Variants in ACCSL observed in about 807,000 individuals in gnomAD.
The protein encoded by ACCSL is 1-aminocyclopropane-1-carboxylate synthase homolog (inactive) like, also known as probable inactive 1-aminocyclopropane-1-carboxylate synthase-like protein 2.
Under a neutral mutation model 61.7 loss-of-function variants are expected in ACCSL, and 55 were observed. The ratio of observed to expected loss-of-function variants is 0.89; its 90% CI spans 0.72 to 1.12. The LOEUF is 1.12. Ranked by LOEUF, ACCSL falls within the 50% of genes most tolerant of loss-of-function variation. ACCSL has a pLI of 0.00. For missense variants in ACCSL, 632 were observed against 698.0 expected (o/e 0.91, Z 1.07); for synonymous variants, 258 against 264.3 (o/e 0.98, Z 0.23).
the ACCSL span, among the ~76,000 whole-genome samples, chr11:43,964,436 CAAAAAAAA>C: frequency 1.3e-5 from 1 of 77,176 alleles, no homozygotes; most frequent in African/African-American, 4.6e-5. Flanking sequence ...GACATTGTCT[CAAAAAAAA>C]AAAAAAAAAG....
At chr11:44,049,907 G>C in intron 1 of ACCSL, 155 bp from the exon 2 acceptor site, 1 of 901,172 alleles carries the variant, frequency 1.1e-6, no homozygotes, top group South Asian at 1.5e-5. Flanking sequence ...GTACTATTTT[G>C]GGTTCATGGA....
At chr11:43,985,897 A>G in the ACCSL span, among the ~76,000 whole-genome samples, 1 of 152,112 alleles carries the variant, frequency 6.6e-6, no homozygotes, top group East Asian at 1.9e-4. Context: ...TTAGCTGGGC[A>G]TGGTGGGGAG....
the ACCSL span, chr11:43,943,359 C>T: frequency 1.0e-5 from 14 of 1,389,684 alleles, no homozygotes; most frequent in African/African-American, 3.1e-5. The surrounding 1 kb of genome is among the most constrained non-coding windows in gnomAD (Gnocchi z 4.8). Context: ...GCGCCCTGCT[C>T]CCGGGGGACC....
chr11:43,982,410 T>G, the ACCSL span, among the ~76,000 whole-genome samples: 1 of 151,826 alleles, frequency 6.6e-6, no homozygotes, highest in Non-Finnish European at 1.5e-5. Flanking sequence ...GTATTTTTAG[T>G]AGAGACAGGG....
At chr11:43,974,027 G>A in the ACCSL span, 1 of 152,224 alleles carries the variant, frequency 6.6e-6, no homozygotes, top group Non-Finnish European at 1.5e-5. Context: ...AGAGATCCTT[G>A]TCTCTTTTCT....
At chr11:43,926,236 G>C in the ACCSL span, among the ~76,000 whole-genome samples, 1 of 152,180 alleles carries the variant, frequency 6.6e-6, no homozygotes, top group African/African-American at 2.4e-5. Context: ...TTGCGTTGAT[G>C]CTCTGCTCAC....
chr11:43,960,830 T>C, the ACCSL span, among the ~76,000 whole-genome samples: 1 of 152,168 alleles, frequency 6.6e-6, no homozygotes, highest in Non-Finnish European at 1.5e-5. Context: ...TTTTGTTTTC[T>C]TCCTTGAGAT....
chr11:43,969,254 G>T, the ACCSL span, among the ~76,000 whole-genome samples: 1 of 152,044 alleles, frequency 6.6e-6, no homozygotes, highest in Non-Finnish European at 1.5e-5. Context: ...TCAGCTACTC[G>T]GGAAGCTGAG....
At chr11:43,970,746 G>T in the ACCSL span, among the ~76,000 whole-genome samples, 1 of 152,118 alleles carries the variant, frequency 6.6e-6, no homozygotes, top group Non-Finnish European at 1.5e-5. Flanking sequence ...GTAGGCTCAT[G>T]GGTTCCTGTT....
chr11:44,004,191 AG>A, the ACCSL span, among the ~76,000 whole-genome samples: 6 of 146,418 alleles, frequency 4.1e-5, no homozygotes, highest in Non-Finnish European at 6.0e-5. Flanking sequence ...AGTGAGGTGA[AG>A]GGGGGGGATG....
At position 44,048,431 on chromosome 11, in the gene ACCSL, A is replaced by G. The variant is rs2134763937; in HGVS notation, c.395A>G (p.Asn132Ser). Residue 132 changes from asparagine to serine, a missense_variant, in exon 1 of 14, where the codon AAC becomes AGC. Coordinates refer to ENST00000378832, the MANE Select transcript of ACCSL (RefSeq NM_001031854.2). ...QLSDCEAAFV[N>S]RDLSIRGIDI... is the part of the protein sequence containing the mutation. Reference sequence around the variant, plus strand: ...AGTGATTGTGAAGCTGCCTTTGTCAACCGCGACCTATCCATCCGTGGGATT... The same window carrying G: ...AGTGATTGTGAAGCTGCCTTTGTCAGCCGCGACCTATCCATCCGTGGGATT... 3.1e-6 allele frequency: 5 copies of G among 1,613,940 alleles called. No individual in the cohort carries two copies. Among genetic ancestry groups the G allele is most frequent in the Non-Finnish European group, 4.2e-6 (5 of 1,179,982 alleles).
At chr11:44,009,375 A>C in the ACCSL span, among the ~76,000 whole-genome samples, 1 of 152,178 alleles carries the variant, frequency 6.6e-6, no homozygotes, top group African/African-American at 2.4e-5. Flanking sequence ...CCTTGGGCCT[A>C]GCCTAGGATT....
At chr11:44,001,653 C>A in the ACCSL span, among the ~76,000 whole-genome samples, 11 of 151,846 alleles carry the variant, frequency 7.2e-5, no homozygotes, top group Middle Eastern at 3.4e-3. Context: ...CCTGCCCACT[C>A]GCCTTCTGAG....
the ACCSL span, among the ~76,000 whole-genome samples, chr11:43,930,157 C>A: frequency 1.3e-5 from 2 of 152,156 alleles, no homozygotes; most frequent in South Asian, 2.1e-4. Flanking sequence ...TGGATTCTTC[C>A]CCTCTAGCCT....
chr11:44,054,003 C>G (rs1348219064), intron 8 of ACCSL, among the ~76,000 whole-genome samples: 1 of 152,172 alleles, frequency 6.6e-6, no homozygotes, highest in African/African-American at 2.4e-5. Context: ...TAGCCTCAGC[C>G]TATGTATTGA....
At chr11:43,956,707 CTG>C in the ACCSL span, among the ~76,000 whole-genome samples, 3 of 152,194 alleles carry the variant, frequency 2.0e-5, no homozygotes, top group Non-Finnish European at 4.4e-5. Flanking sequence ...GTGTGAGCCA[CTG>C]CACCCAGCCT....
the ACCSL span, among the ~76,000 whole-genome samples, chr11:44,035,906 C>A: frequency 1.2e-4 from 18 of 144,540 alleles, no homozygotes; most frequent in African/African-American, 4.7e-4. Flanking sequence ...CCATTGCACT[C>A]CAGCCTGAGC....
the ACCSL span, among the ~76,000 whole-genome samples, chr11:44,004,355 G>C: frequency 6.6e-6 from 1 of 151,970 alleles, no homozygotes; most frequent in African/African-American, 2.4e-5. Flanking sequence ...TACCGCCCTG[G>C]GGGACCAAGA....
the ACCSL span, among the ~76,000 whole-genome samples, chr11:43,940,729 A>C: frequency 5.4e-5 from 7 of 128,478 alleles, no homozygotes; most frequent in South Asian, 2.6e-4. Flanking sequence ...CCCCTCTCTC[A>C]CTCTGCTTTA....
Sources: gnomAD v4.1 joint callset for allele counts (sites outside exome capture counted in the v4.1 genomes callset) on GRCh38, gnomAD v4.1.1 for gene constraint, Gnocchi (gnomAD v3.1) non-coding constraint, MANE v1.5 for transcripts, NCBI Gene and HGNC (gene_info 2026-07-23, HGNC 2026-07-21) for gene names.